MAST4: variants seen among roughly 807,000 people sequenced by gnomAD.
MAST4 encodes the protein microtubule associated serine/threonine kinase family member 4, also known as microtubule-associated serine/threonine-protein kinase 4.
In MAST4, 89 loss-of-function variants were observed where a neutral mutation model predicts 162.7. That is an observed-to-expected ratio of 0.55 (90% CI 0.46 to 0.65). MAST4 has a LOEUF of 0.65. Ranked by LOEUF, MAST4 falls within the 30% of genes least tolerant of loss-of-function variation. The probability of loss-of-function intolerance (pLI) is 0.00; values close to 1 mark genes in which losing one functional copy is unlikely to be tolerated. For missense variants in MAST4, 3,153 were observed against 3,374.0 expected, an observed-to-expected ratio of 0.93 and a Z score of 1.62; for synonymous variants, 1,479 against 1,361.1, an observed-to-expected ratio of 1.09 and a Z score of -1.91.
chr5:66,663,712 G>A (rs370409947), intron 1 of MAST4, among the ~76,000 whole-genome samples: 3 of 152,270 alleles, frequency 2.0e-5, no homozygotes, highest in African/African-American at 7.2e-5. Context: ...AGATAATGGG[G>A]CAGATTATAT....
intron 1 of MAST4, among the ~76,000 whole-genome samples, chr5:66,612,064 G>C (rs1414732390): frequency 2.0e-5 from 3 of 152,176 alleles, no homozygotes; most frequent in Admixed American, 1.3e-4. Flanking sequence ...GAAAATGAGG[G>C]CTTGATTACA....
chr5:67,023,632 G>A lies in MAST4; in HGVS notation c.675-30772G>A, dbSNP rs1754263606. 2.6e-5 allele frequency among the ~76,000 whole-genome samples: 4 copies of A among 152,202 alleles called. No individual in the cohort carries two copies. In the South Asian group the frequency reaches 8.3e-4, roughly 32 times the overall value. On this transcript the variant is annotated intron_variant, in intron 4 of 28. Transcript: ENST00000403625. ...TGTGGATCGGAGTGAACATGGTGGA[G>A]GACTAAGAACAGATCCTCCTAACCC...
At chr5:66,720,175 A>AT (rs5868462) in intron 1 of MAST4, among the ~76,000 whole-genome samples, 115,737 of 151,874 alleles carry the variant, frequency 0.76, 45,276 homozygotes, top group African/African-American at 0.93. Flanking sequence ...AGGAATGATA[A>AT]TTTTTTTAAA....
chr5:67,004,174 G>A (rs1452999338), intron 4 of MAST4, among the ~76,000 whole-genome samples: 1 of 152,124 alleles, frequency 6.6e-6, no homozygotes, highest in Non-Finnish European at 1.5e-5. Context: ...CCCAGGCTGC[G>A]GGGCTGTCCC....
At chr5:67,143,929 G>T (rs1770724843) in intron 21 of MAST4, among the ~76,000 whole-genome samples, 1 of 152,120 alleles carries the variant, frequency 6.6e-6, no homozygotes, top group Admixed American at 6.5e-5. Context: ...CCATTCCCAT[G>T]AGAGCAGCAA....
chr5:67,152,605 A>G (rs1771968268), intron 24 of MAST4, 32 bp from the exon 25 acceptor site: 5 of 1,592,652 alleles, frequency 3.1e-6, no homozygotes, highest in Non-Finnish European at 4.3e-6. Flanking sequence ...TGTGAGCCAC[A>G]TGGGCTTTGA....
At chr5:66,823,920 T>A (rs1345396776) in intron 3 of MAST4, among the ~76,000 whole-genome samples, 1 of 152,248 alleles carries the variant, frequency 6.6e-6, no homozygotes, top group Non-Finnish European at 1.5e-5. Context: ...GATATGATTA[T>A]AATCACAATA....
chr5:67,146,137 A>G (rs1033382656), intron 23 of MAST4, among the ~76,000 whole-genome samples: 2 of 152,230 alleles, frequency 1.3e-5, no homozygotes, highest in Non-Finnish European at 2.9e-5. Context: ...TGGAGTAGGA[A>G]ACTCCTGAGA....
intron 4 of MAST4, among the ~76,000 whole-genome samples, chr5:66,956,178 A>G (rs1393427770): frequency 1.3e-5 from 2 of 152,178 alleles, no homozygotes; most frequent in Middle Eastern, 3.4e-3. Flanking sequence ...TAAAATTTTA[A>G]GAAACCAGGT....
At chr5:66,971,948 T>C (rs1478063715) in intron 4 of MAST4, among the ~76,000 whole-genome samples, 1 of 152,096 alleles carries the variant, frequency 6.6e-6, no homozygotes, top group Non-Finnish European at 1.5e-5. Context: ...AAGATGGTGA[T>C]GATAATGTGA....
At chr5:66,861,058 G>T (rs1760079391) in intron 3 of MAST4, among the ~76,000 whole-genome samples, 2 of 152,096 alleles carry the variant, frequency 1.3e-5, no homozygotes, top group Non-Finnish European at 1.5e-5. Flanking sequence ...GTTTGCTCAG[G>T]ATTTGCCTTA....
chr5:66,778,755 A>G (rs908359464), intron 2 of MAST4, among the ~76,000 whole-genome samples: 1 of 152,176 alleles, frequency 6.6e-6, no homozygotes, highest in African/African-American at 2.4e-5. Context: ...ACCCATACCA[A>G]AAATTATTCT....
At position 67,166,687 on chromosome 5, in the gene MAST4, G is replaced by A; in HGVS notation, c.7508G>A (p.Arg2503Lys). Residue 2503 changes from arginine (R) to lysine (K), a missense_variant, in exon 29 of 29, where the codon AGG becomes AAG. By Grantham distance (26) the Arg-to-Lys change is conservative (BLOSUM62 2). Coordinates refer to ENST00000403625, the MANE Select transcript of MAST4 (RefSeq NM_001164664.2). ...ELPAPSNRDH[R>K]KAQPAGEGRT... ...CCAGCCCCCAGCAACAGGGACCATA[G>A]GAAGGCTCAGCCTGCCGGGGAGGGC... 1 of 1,593,516 alleles carries A rather than the reference G, an allele frequency of 6.3e-7. No individual in the cohort carries two copies. Among genetic ancestry groups the A allele is most frequent in the South Asian group, 1.1e-5 (1 of 87,664 alleles).
chr5:67,165,086 C>T lies in MAST4; in HGVS notation c.5907C>T (p.Gly1969=), dbSNP rs775540748. 7 of 1,595,996 alleles carry T rather than the reference C, an allele frequency of 4.4e-6. No homozygotes were observed. The highest frequency in any genetic ancestry group is 1.1e-5 in the South Asian group (1 of 88,784). Residue 1969 remains glycine (G), a synonymous_variant, in exon 29 of 29, where the codon GGC becomes GGT. Coordinates refer to ENST00000403625, the MANE Select transcript of MAST4 (RefSeq NM_001164664.2). ...PEASPSREKP[G]LRESSERGPP... is the part of the protein sequence containing the mutation. ...CTTCCCCCTCAAGGGAGAAGCCAGG[C>T]CTGAGGGAATCGTCTGAAAGAGGCC... is the stretch of plus-strand genomic sequence containing the variant.
intron 4 of MAST4, among the ~76,000 whole-genome samples, chr5:67,018,003 A>G (rs558247759): frequency 6.6e-6 from 1 of 152,240 alleles, no homozygotes; most frequent in African/African-American, 2.4e-5. Flanking sequence ...CCTATTTTAC[A>G]ACTAAGCTTT....
intron 1 of MAST4, among the ~76,000 whole-genome samples, chr5:66,683,458 T>C (rs574985182): frequency 6.6e-6 from 1 of 152,300 alleles, no homozygotes; most frequent in East Asian, 1.9e-4. Context: ...TAAATATCTG[T>C]CTCCATAGTG....
At chr5:66,999,255 T>G (rs1751013064) in intron 4 of MAST4, among the ~76,000 whole-genome samples, 1 of 152,200 alleles carries the variant, frequency 6.6e-6, no homozygotes, top group South Asian at 2.1e-4. Flanking sequence ...GCTATGGGGC[T>G]TCTCCCAGGA....
chr5:66,724,694 C>T (rs1394205169), intron 1 of MAST4, among the ~76,000 whole-genome samples: 1 of 152,030 alleles, frequency 6.6e-6, no homozygotes, highest in African/African-American at 2.4e-5. Flanking sequence ...TGTTACTGTA[C>T]TGAATACTGT....
chr5:67,002,248 C>T (rs149787230), intron 4 of MAST4, among the ~76,000 whole-genome samples: 2 of 152,200 alleles, frequency 1.3e-5, no homozygotes, highest in East Asian at 1.9e-4. Flanking sequence ...CAGAATTTAC[C>T]GTCTTCATGG....
Sources: allele counts gnomAD v4.1 joint callset (sites outside exome capture counted in the v4.1 genomes callset), GRCh38; gene constraint gnomAD v4.1.1; transcripts MANE v1.5; gene names NCBI Gene and HGNC (gene_info 2026-07-23, HGNC 2026-07-21).